The following CIC variants were observed in gnomAD, a reference collection of about 807,000 sequenced individuals.
CIC encodes the protein capicua transcriptional repressor.
In CIC, 18 loss-of-function variants were observed where a neutral mutation model predicts 115.7. That is an observed-to-expected ratio of 0.16 (90% CI 0.11 to 0.23). The LOEUF is 0.23. Among genes scored for constraint, CIC ranks in the 10% least tolerant of loss-of-function variants. The pLI is 1.00. For missense variants in CIC, 2,000 were observed against 2,159.3 expected, an observed-to-expected ratio of 0.93 and a Z score of 1.46; for synonymous variants, 1,076 against 923.0, an observed-to-expected ratio of 1.17 and a Z score of -3.01.
At chr19:42,279,329 A>C (rs75236721) in intron 2 of CIC, among the ~76,000 whole-genome samples, 16 of 152,288 alleles carry the variant, frequency 1.1e-4, no homozygotes, top group African/African-American at 3.9e-4. Context: ...GTGGGTGAGG[A>C]AGGCAGATGT....
chr19:42,276,847 G>A (rs2036999865), intron 2 of CIC, among the ~76,000 whole-genome samples: 1 of 152,094 alleles, frequency 6.6e-6, no homozygotes, highest in African/African-American at 2.4e-5. Context: ...AATGGCTCTG[G>A]TGCAGGGGAT....
Position 42,287,523 on chromosome 19 carries a change from C to T in CIC, c.3310-22C>T, listed in dbSNP as rs2037747855. 2 of 1,612,748 alleles carry T rather than the reference C, an allele frequency of 1.2e-6. No individual in the cohort carries two copies. The highest frequency in any genetic ancestry group is 2.2e-5 in the East Asian group (1 of 44,898). On this transcript the variant is annotated intron_variant, in intron 5 of 20. Transcript: ENST00000681038. The surrounding 1 kb of genome is among the most constrained non-coding windows in gnomAD (Gnocchi z 8.7). ...TGTCTGCCAGGTCCTAACTGTCCCGCTCTGGGCTGTGTTTAATGCAGCGGG... is the reference window on the plus strand; with the variant it reads ...TGTCTGCCAGGTCCTAACTGTCCCGTTCTGGGCTGTGTTTAATGCAGCGGG...
At position 42,295,295 on chromosome 19, in the gene CIC, C is replaced by T. The variant is rs988237055; in HGVS notation, c.*104C>T. The T allele has an allele frequency of 9.3e-7, 1 of 1,075,560 alleles. No individual in the cohort carries two copies. Among genetic ancestry groups the T allele is most frequent in the Non-Finnish European group, 1.3e-6 (1 of 745,480 alleles). 66.6% of individuals were successfully genotyped at this position (1,075,560 alleles called of 1,614,324 possible). On this transcript the variant is annotated 3_prime_UTR_variant, in exon 21 of 21. Transcript: ENST00000681038. ...CTCCCGGGTAAAGCCATTTCGTCCT[C>T]TCCAGTTTGGGGCGGAATGAGGCCT...
chr19:42,293,515 T>G, intron 16 of CIC, 77 bp from the exon 17 acceptor site: 2 of 1,608,102 alleles, frequency 1.2e-6, no homozygotes, highest in South Asian at 2.2e-5. Context: ...CGGGCTCAGA[T>G]CCAACTCTTT....
rs553376261 is a variant in CIC at position 42,272,437 on chromosome 19, G to A, written c.654G>A (p.Pro218=). 3.8e-5 allele frequency: 15 copies of A among 398,422 alleles called. No homozygotes were observed. Among genetic ancestry groups the A allele is most frequent in the South Asian group, 1.3e-4 (1 of 7,868 alleles). 24.7% of individuals were successfully genotyped at this position (398,422 alleles called of 1,614,324 possible). A position where few individuals can be genotyped will look rare whatever the true frequency, so the allele number is the denominator to read the frequency against. ...LARRGDGLFL[P]AVVRQVRRSQ... ...GGCGTGGTGATGGCCTTTTCCTGCCGGCTGTGGTGCGCCAGGTGCGCCGAA... is the reference window on the plus strand; with the variant it reads ...GGCGTGGTGATGGCCTTTTCCTGCCAGCTGTGGTGCGCCAGGTGCGCCGAA... Residue 218 remains proline (P), a synonymous_variant, in exon 2 of 21, where the codon CCG becomes CCA. Transcript: ENST00000681038.
rs542087388 is a variant in CIC, at chr19:42,290,472, G to T, written c.4431G>T (p.Ala1477=). 1 of 1,613,764 alleles carries T rather than the reference G, an allele frequency of 6.2e-7. No individual in the cohort carries two copies. Among genetic ancestry groups the T allele is most frequent in the Non-Finnish European group, 8.5e-7 (1 of 1,179,950 alleles). ...KAQESGQGST[A]GPLRPPPPGA... is the part of the protein sequence containing the mutation. ...AGGAGTCTGGTCAGGGCAGCACAGC[G>T]GGCCCCCTACGGCCCCCACCCCCTG... is the stretch of plus-strand genomic sequence containing the variant. The change falls in exon 11 of 21, where the codon GCG becomes GCT. Residue 1477 remains alanine, a synonymous_variant. Coordinates refer to ENST00000681038, the MANE Select transcript of CIC (RefSeq NM_001386298.1).
intron 9 of CIC, 85 bp downstream of exon 9, chr19:42,289,491 AG>A: frequency 7.1e-7 from 1 of 1,413,828 alleles, no homozygotes; most frequent in Non-Finnish European, 9.8e-7. Context: ...CCAGGCCCCT[AG>A]GCCCCTTTGT....
chr19:42,284,399 G>C (rs2037448675), intron 2 of CIC: 1 of 145,804 alleles, frequency 6.9e-6, no homozygotes, highest in Non-Finnish European at 1.5e-5. Flanking sequence ...GGGCGGTGCC[G>C]ATGGCCCCCG....
chr19:42,272,898 C>T lies in CIC; in HGVS notation c.1115C>T (p.Ala372Val), dbSNP rs1568486138. Residue 372 changes from alanine (A) to valine (V), a missense_variant, in exon 2 of 21, where the codon GCT becomes GTT. Physicochemically the swap from Ala to Val is moderately conservative, Grantham distance 64. Coordinates refer to ENST00000681038, the MANE Select transcript of CIC (RefSeq NM_001386298.1). ...EPGATLPPCP[A>V]ALDPKQPEDA... is the part of the protein sequence containing the mutation. ...GGGGCCACCCTGCCACCCTGCCCTG[C>T]TGCCCTGGACCCCAAACAGCCCGAG... 2.5e-6 allele frequency: 1 copy of T among 399,304 alleles called. No individual in the cohort carries two copies. 24.7% of individuals were successfully genotyped at this position (399,304 alleles called of 1,614,324 possible). A position where few individuals can be genotyped will look rare whatever the true frequency, so the allele number is the denominator to read the frequency against.
intron 2 of CIC, among the ~76,000 whole-genome samples, chr19:42,283,192 C>T (rs2037343423): frequency 6.6e-6 from 1 of 151,878 alleles, no homozygotes; most frequent in Non-Finnish European, 1.5e-5. Flanking sequence ...GTGTGTGTGA[C>T]GGAGGAGTGT....
rs141269383 is a variant in CIC at position 42,291,660 on chromosome 19, G to A, written c.5528G>A (p.Arg1843Gln). 1.2e-5 allele frequency: 20 copies of A among 1,612,886 alleles called. No homozygotes were observed. Among genetic ancestry groups the A allele is most frequent in the African/African-American group, 9.3e-5 (7 of 74,914 alleles). ...CTGGCCGCCCCTAGCATGTCAGTGCGGGGTGGAGGGGCCGGCCAGCCACTG... is the reference window on the plus strand; with the variant it reads ...CTGGCCGCCCCTAGCATGTCAGTGCAGGGTGGAGGGGCCGGCCAGCCACTG... ...VPLAAPSMSV[R>Q]GGGAGQPLPL... is the part of the protein sequence containing the mutation. The change falls in exon 12 of 21, where the codon CGG (arginine) becomes CAG (glutamine). Residue 1843 changes from arginine to glutamine, a missense_variant. Transcript: ENST00000681038.
rs754556504 is a variant in CIC at position 42,287,168 on chromosome 19, C to T, written c.3107C>T (p.Thr1036Met). The T allele has an allele frequency of 7.5e-5, 121 of 1,613,392 alleles. No individual in the cohort carries two copies. The highest frequency in any genetic ancestry group is 9.5e-5 in the Non-Finnish European group (112 of 1,179,874). ...TCTGGTAAGGGTCCGCCTCCCACCA[C>T]GGAGGAGGAGGCCTCCGGCCCCCCA... ...VESGKGPPPT[T>M]EEEASGPPGE... Residue 1036 changes from threonine (T) to methionine (M), a missense_variant, in exon 4 of 21, where the codon ACG becomes ATG. Thr to Met is a moderately conservative substitution (Grantham distance 81, BLOSUM62 -1). Transcript: ENST00000681038. This position sits in a 1 kb window ranked among gnomAD's most constrained non-coding sequence, Gnocchi z 8.7.
rs2147335613 is a variant in CIC, at chr19:42,293,810, G to A, written c.6741G>A (p.Leu2247=). ...AGGTGAAGGTGCGGCCCCCGCCCCT[G>A]AAGAAGACCTTTGACTCTGTGGACA... is the stretch of plus-strand genomic sequence containing the variant. The part of the protein sequence containing the change: ...GKKVKVRPPP[L]KKTFDSVDNR... Residue 2247 remains leucine, a synonymous_variant, in exon 17 of 21, where the codon CTG becomes CTA. Coordinates refer to ENST00000681038, the MANE Select transcript of CIC (RefSeq NM_001386298.1). 1.2e-6 allele frequency: 2 copies of A among 1,612,466 alleles called. No individual in the cohort carries two copies. The highest frequency in any genetic ancestry group is 2.2e-5 in the South Asian group (2 of 91,054).
In CIC at chr19:42,273,904, G is replaced by A. The variant is rs2036872043; in HGVS notation, c.2121G>A (p.Val707=). The part of the protein sequence containing the change: ...PTFQTNLTFT[V]PISPGRRKTE... ...TCCAGACCAACCTGACCTTCACCGT[G>A]CCCATCAGCCCTGGGCGACGGAAGA... The change falls in exon 2 of 21, where the codon GTG becomes GTA. Residue 707 remains valine, a synonymous_variant. Transcript: ENST00000681038. 2 of 398,316 alleles carry A rather than the reference G, an allele frequency of 5.0e-6. No individual in the cohort carries two copies. The highest frequency in any genetic ancestry group is 2.1e-5 in the African/African-American group (1 of 48,520). The allele number at this position is 398,316 out of a possible 1,614,324, so 24.7% of individuals were successfully genotyped here. A position where few individuals can be genotyped will look rare whatever the true frequency, so the allele number is the denominator to read the frequency against.
At chr19:42,271,739 T>G (rs2036796842) in intron 1 of CIC, 35 bp from the exon 2 acceptor site, 1 of 398,492 alleles carries the variant, frequency 2.5e-6, no homozygotes, top group Non-Finnish European at 4.4e-6. Flanking sequence ...GTTCCTGAGT[T>G]GCTCCGCGTA....
At position 42,287,303 on chromosome 19, in the gene CIC, CT is replaced by C. The variant is rs2037725207; in HGVS notation, c.3180-16del. Reference sequence around the variant, plus strand: ...GCCAGAGACATGGCCCTCACTGTCCCTGCTGCCCCGCCGCAGCTTCCTCTCC... The same window carrying C: ...GCCAGAGACATGGCCCTCACTGTCCCGCTGCCCCGCCGCAGCTTCCTCTCC... On this transcript the variant is annotated splice_polypyrimidine_tract_variant and intron_variant, in intron 4 of 20. Coordinates refer to ENST00000681038, the MANE Select transcript of CIC (RefSeq NM_001386298.1). The surrounding 1 kb of genome is among the most constrained non-coding windows in gnomAD (Gnocchi z 8.7). The C allele has an allele frequency of 1.2e-6, 2 of 1,614,112 alleles. No homozygotes were observed. The highest frequency in any genetic ancestry group is 2.7e-5 in the African/African-American group (2 of 75,044).
chr19:42,290,428 T>C lies in CIC; in HGVS notation c.4387T>C (p.Ser1463Pro), dbSNP rs763606943. ...ASAATSFSLG[S>P]GTFKAQESGQ... ...GGCAGCCACCTCCTTCTCACTGGGC[T>C]CAGGAACCTTCAAGGCCCAGGAGTC... The change falls in exon 11 of 21, where the codon TCA (serine) becomes CCA (proline). Residue 1463 changes from serine (S) to proline (P), a missense_variant. By Grantham distance (74) the Ser-to-Pro change is moderately conservative. Coordinates refer to ENST00000681038, the MANE Select transcript of CIC (RefSeq NM_001386298.1). The C allele has an allele frequency of 1.2e-6, 2 of 1,614,000 alleles. No homozygotes were observed. The highest frequency in any genetic ancestry group is 3.3e-5 in the Admixed American group (2 of 60,010).
chr19:42,290,225 T>G lies in CIC; in HGVS notation c.4192-8T>G. On this transcript the variant is annotated splice_region_variant and splice_polypyrimidine_tract_variant and intron_variant, in intron 10 of 20. Coordinates refer to ENST00000681038, the MANE Select transcript of CIC (RefSeq NM_001386298.1). ...CTGACCTGGGGTGTCTCCCTTCCTTTCATGCAGGGCTTTGGTCGGAAGGTG... is the reference window on the plus strand; with the variant it reads ...CTGACCTGGGGTGTCTCCCTTCCTTGCATGCAGGGCTTTGGTCGGAAGGTG... 1.2e-6 allele frequency: 2 copies of G among 1,614,060 alleles called. No individual in the cohort carries two copies. Among genetic ancestry groups the G allele is most frequent in the Non-Finnish European group, 1.7e-6 (2 of 1,179,960 alleles).
Position 42,270,178 on chromosome 19 carries a change from C to T in CIC, c.-11+797C>T, listed in dbSNP as rs915451635. ...CCAACATGGTAGTCTAGTGGGTCAG[C>T]GGGTATTAGGTGGTGATGGCTGCCC... On this transcript the variant is annotated intron_variant, in intron 1 of 20. Coordinates refer to ENST00000681038, the MANE Select transcript of CIC (RefSeq NM_001386298.1). This position sits in a 1 kb window ranked among gnomAD's most constrained non-coding sequence, Gnocchi z 4.1. Among the ~76,000 whole-genome samples the T allele has an allele frequency of 2.6e-5, 4 of 152,138 alleles. No individual in the cohort carries two copies. The highest frequency in any genetic ancestry group is 6.5e-5 in the Admixed American group (1 of 15,278).
Sources: allele counts gnomAD v4.1 joint callset (sites outside exome capture counted in the v4.1 genomes callset), GRCh38; gene constraint gnomAD v4.1.1; non-coding constraint Gnocchi (gnomAD v3.1); transcripts MANE v1.5; gene names NCBI Gene and HGNC (gene_info 2026-07-23, HGNC 2026-07-21).